CIT: variants seen among roughly 807,000 people sequenced by gnomAD.
CIT encodes citron rho-interacting serine/threonine kinase.
In CIT, 79 loss-of-function variants were observed where a neutral mutation model predicts 272.7. The ratio of observed to expected loss-of-function variants is 0.29; its 90% confidence interval spans 0.24 to 0.35. The LOEUF (loss-of-function observed/expected upper bound fraction) is 0.35. Ranked by LOEUF, CIT falls within the 10% of genes least tolerant of loss-of-function variation. CIT has a pLI of 1.00. For synonymous variants in CIT, 948 were observed against 995.6 expected (o/e 0.95, Z 0.90); for missense variants, 1,909 against 2,618.3 (o/e 0.73, Z 5.91).
intron 47 of CIT, 134 bp from the exon 48 acceptor site, chr12:119,688,389 C>G (rs974120174): frequency 6.0e-5 from 51 of 846,560 alleles, no homozygotes; most frequent in Admixed American, 1.2e-4. Flanking sequence ...CTTGGCAGGG[C>G]AGCACCCGCT....
At chr12:119,791,998 T>G (rs1965349853) in intron 10 of CIT, among the ~76,000 whole-genome samples, 1 of 152,230 alleles carries the variant, frequency 6.6e-6, no homozygotes. Flanking sequence ...GTGATGTACC[T>G]GTAAATAATC....
At chr12:119,757,580 A>C in intron 21 of CIT, 35 bp from the exon 22 acceptor site, 1 of 1,613,470 alleles carries the variant, frequency 6.2e-7, no homozygotes, top group Non-Finnish European at 8.5e-7. Context: ...AAACAAAATC[A>C]CAGTCTCATT....
intron 41 of CIT, among the ~76,000 whole-genome samples, chr12:119,704,044 C>CA (rs1565909878): frequency 1.3e-5 from 2 of 149,990 alleles, no homozygotes; most frequent in African/African-American, 2.4e-5. Flanking sequence ...AGAGCCCCCC[C>CA]TTTTTTTTTT....
At chr12:119,773,313 T>C (rs1002481173) in intron 16 of CIT, among the ~76,000 whole-genome samples, 1 of 152,258 alleles carries the variant, frequency 6.6e-6, no homozygotes. Flanking sequence ...CAGGTATCAA[T>C]GTATTTGCCT....
rs1957290219 is a variant in CIT, at chr12:119,713,693, C to T, written c.4307-45G>A. 6.2e-7 allele frequency: 1 copy of T among 1,600,080 alleles called. No homozygotes were observed. The highest frequency in any genetic ancestry group is 1.7e-5 in the Admixed American group (1 of 59,978). ...AACCTGAGGGCATGCTCAGCTGACCCTGGACCCTTCCCTTCCTCTGCCAGC... is the reference window on the plus strand; with the variant it reads ...AACCTGAGGGCATGCTCAGCTGACCTTGGACCCTTCCCTTCCTCTGCCAGC... On this transcript the variant is annotated intron_variant, in intron 33 of 47. Coordinates refer to ENST00000392521, the MANE Select transcript of CIT (RefSeq NM_001206999.2). This position sits in a 1 kb window ranked among gnomAD's most constrained non-coding sequence, Gnocchi z 5.2.
chr12:119,804,564 A>G lies in CIT; in HGVS notation c.1112-1175T>C. ...CCTAGGACAGTTGTCACAGCCCTTC[A>G]CAGCCCAGACTTCTTTTTAACTCCT... On this transcript the variant is annotated intron_variant, in intron 9 of 47. Transcript: ENST00000392521. The surrounding 1 kb of genome is among the most constrained non-coding windows in gnomAD (Gnocchi z 5.3). 1.2e-6 allele frequency: 1 copy of G among 833,628 alleles called. No homozygotes were observed. Among genetic ancestry groups the G allele is most frequent in the Non-Finnish European group, 1.4e-6 (1 of 691,408 alleles). The allele number at this position is 833,628 out of a possible 1,614,324, so 51.6% of individuals were successfully genotyped here.
At chr12:119,688,503 C>T (rs1415801245) in intron 47 of CIT, among the ~76,000 whole-genome samples, 1 of 152,252 alleles carries the variant, frequency 6.6e-6, no homozygotes, top group Non-Finnish European at 1.5e-5. Flanking sequence ...TGCACATACA[C>T]AGTTTCATCG....
intron 3 of CIT, among the ~76,000 whole-genome samples, chr12:119,864,125 GAA>G (rs796080884): frequency 1.4e-5 from 2 of 138,104 alleles, no homozygotes; most frequent in African/African-American, 5.3e-5. Flanking sequence ...TTTGCAATAA[GAA>G]AAAAAAAAAA....
At chr12:119,733,043 A>G (rs2137239897) in intron 26 of CIT, among the ~76,000 whole-genome samples, 1 of 152,330 alleles carries the variant, frequency 6.6e-6, no homozygotes, top group Non-Finnish European at 1.5e-5. Context: ...TAAAACTGTC[A>G]TAACAACTCT....
Position 119,718,225 on chromosome 12 carries a change from T to C in CIT, c.4168+20A>G, listed in dbSNP as rs759941271. 3 of 1,588,782 alleles carry C rather than the reference T, an allele frequency of 1.9e-6. No homozygotes were observed. In the Admixed American group the frequency reaches 5.4e-5, roughly 28 times the overall value. On this transcript the variant is annotated intron_variant, in intron 32 of 47. Coordinates refer to ENST00000392521, the MANE Select transcript of CIT (RefSeq NM_001206999.2). This position sits in a 1 kb window ranked among gnomAD's most constrained non-coding sequence, Gnocchi z 4.8. ...ATGTCTTAGTCGACTAAAAGAAATT[T>C]CCATACAACTCCAACGTACCCTCTG...
At chr12:119,703,482 G>A (rs1192789647) in intron 41 of CIT, among the ~76,000 whole-genome samples, 2 of 144,662 alleles carry the variant, frequency 1.4e-5, no homozygotes, top group Non-Finnish European at 3.0e-5. Context: ...CTGGAATGCG[G>A]TAGTGCAATC....
At chr12:119,793,549 T>C (rs958697325) in intron 10 of CIT, among the ~76,000 whole-genome samples, 32 of 152,244 alleles carry the variant, frequency 2.1e-4, no homozygotes, top group Non-Finnish European at 3.8e-4. Flanking sequence ...AGTCCATACC[T>C]AAAGGCCCTG....
chr12:119,854,703 C>G (rs1970467838), intron 4 of CIT, among the ~76,000 whole-genome samples: 1 of 151,714 alleles, frequency 6.6e-6, no homozygotes, highest in East Asian at 1.9e-4. Context: ...GTAATCCCAG[C>G]ACTTTGGGAG....
At chr12:119,872,392 G>T (rs1159870065) in intron 2 of CIT, among the ~76,000 whole-genome samples, 1 of 152,066 alleles carries the variant, frequency 6.6e-6, no homozygotes, top group Non-Finnish European at 1.5e-5. Flanking sequence ...TCAGTCTAAG[G>T]TACTCACCTG....
rs531040292 is a variant in CIT, at chr12:119,758,451, C to T, written c.2531+140G>A. 2.2e-4 allele frequency: 141 copies of T among 648,918 alleles called. 2 individuals are homozygous for T. The South Asian group carries it at 2.3e-3, about 11-fold the overall frequency. 40.2% of individuals were successfully genotyped at this position (648,918 alleles called of 1,614,324 possible). ...GACCACTTAAGACAGGGCAAGATGA[C>T]GTAAGTATCTGAGGGCTGGGCTGAG... On this transcript the variant is annotated intron_variant, in intron 21 of 47. Coordinates refer to ENST00000392521, the MANE Select transcript of CIT (RefSeq NM_001206999.2).
chr12:119,742,085 T>A (rs150178858), intron 24 of CIT, among the ~76,000 whole-genome samples: 37 of 152,264 alleles, frequency 2.4e-4, no homozygotes, highest in Middle Eastern at 3.4e-3. Flanking sequence ...ACCTTCTACA[T>A]TGGGACAGGA....
intron 3 of CIT, among the ~76,000 whole-genome samples, chr12:119,863,944 CCA>C (rs1042612696): frequency 3.9e-5 from 6 of 152,110 alleles, no homozygotes; most frequent in Admixed American, 1.3e-4. Flanking sequence ...GGAGCCATCA[CCA>C]GATACCAGAT....
At chr12:119,810,651 C>T (rs546564874) in intron 9 of CIT, among the ~76,000 whole-genome samples, 5 of 149,132 alleles carry the variant, frequency 3.4e-5, no homozygotes, top group African/African-American at 1.2e-4. Context: ...TGCAATGAGC[C>T]GAGATGGTGG....
intron 10 of CIT, among the ~76,000 whole-genome samples, chr12:119,799,012 C>A (rs1210343099): frequency 6.7e-6 from 1 of 150,138 alleles, no homozygotes; most frequent in African/African-American, 2.4e-5. Context: ...TAATTCTGTT[C>A]CCCAATCCAC....
Sources: allele counts gnomAD v4.1 joint callset (sites outside exome capture counted in the v4.1 genomes callset), GRCh38; gene constraint gnomAD v4.1.1; non-coding constraint Gnocchi (gnomAD v3.1); transcripts MANE v1.5; gene names NCBI Gene and HGNC (gene_info 2026-07-23, HGNC 2026-07-21).